Variants in NRG2 observed in about 807,000 individuals in gnomAD.
NRG2 encodes pro-neuregulin-2, membrane-bound isoform.
In NRG2, 27 loss-of-function variants were observed where a neutral mutation model predicts 73.9. The ratio of observed to expected loss-of-function variants is 0.37; its 90% confidence interval spans 0.27 to 0.50. The LOEUF (loss-of-function observed/expected upper bound fraction) is 0.50, where lower values mean the gene tolerates loss of function less well. NRG2 is among the 20% of genes least tolerant of loss of function. The pLI, the probability that NRG2 is intolerant of heterozygous loss-of-function variation, is 0.96. For missense variants in NRG2, 1,126 were observed against 1,210.1 expected (o/e 0.93, Z 1.03); for synonymous variants, 532 against 541.0 (o/e 0.98, Z 0.23).
intron 1 of NRG2, among the ~76,000 whole-genome samples, chr5:140,029,010 CAG>C (rs1760923343): frequency 2.6e-5 from 4 of 152,308 alleles, no homozygotes; most frequent in Admixed American, 2.6e-4. Flanking sequence ...CTTGACATGT[CAG>C]AGAAGAAACT....
At position 139,869,700 on chromosome 5, in the gene NRG2, G is replaced by T. The variant is rs1485201508; in HGVS notation, c.1112+2021C>A. ...GGTGGCTCTGGGTACCAAGTTCTAA[G>T]CAGTGCAGCCCAGGTGCCCTGGTGG... On this transcript the variant is annotated intron_variant, in intron 4 of 9. Transcript: ENST00000361474. The surrounding 1 kb of genome is among the most constrained non-coding windows in gnomAD (Gnocchi z 4.5). The T allele has an allele frequency of 6.6e-6, 1 of 152,356 alleles. No homozygotes were observed. Among genetic ancestry groups the T allele is most frequent in the East Asian group, 1.9e-4 (1 of 5,202 alleles). 9.4% of individuals were successfully genotyped at this position (152,356 alleles called of 1,614,324 possible). A position where few individuals can be genotyped will look rare whatever the true frequency, so the allele number is the denominator to read the frequency against.
Position 140,042,636 on chromosome 5 carries a change from C to T in NRG2, c.434G>A (p.Ser145Asn), listed in dbSNP as rs1762023574. 1.2e-6 allele frequency: 2 copies of T among 1,602,714 alleles called. No individual in the cohort carries two copies. The highest frequency in any genetic ancestry group is 4.5e-5 in the East Asian group (2 of 44,302). Residue 145 changes from serine to asparagine, a missense_variant, in exon 1 of 10, where the codon AGC becomes AAC. This residue lies in a region of NRG2 where 539 missense variants were observed against 703.2 expected (regional missense o/e 0.77). Coordinates refer to ENST00000361474, the MANE Select transcript of NRG2 (RefSeq NM_004883.3). ...VQGLVPAGGS[S>N]SNSTREPPAS... ...GGGCGGCTCTCGGGTGCTGTTGGAGCTGGAGCCGCCGGCTGGGACCAGCCC... is the reference window on the plus strand; with the variant it reads ...GGGCGGCTCTCGGGTGCTGTTGGAGTTGGAGCCGCCGGCTGGGACCAGCCC...
chr5:140,035,988 G>T (rs1201674006), intron 1 of NRG2, among the ~76,000 whole-genome samples: 1 of 152,176 alleles, frequency 6.6e-6, no homozygotes, highest in African/African-American at 2.4e-5. Context: ...AGAAACATCT[G>T]CAAGGGTAAA....
intron 1 of NRG2, among the ~76,000 whole-genome samples, chr5:140,020,103 C>G (rs1190728971): frequency 6.6e-6 from 1 of 152,160 alleles, no homozygotes; most frequent in Non-Finnish European, 1.5e-5. Context: ...TCTGAACGTA[C>G]AGCAAGAGGA....
In NRG2 at chr5:139,851,395, C is replaced by G. The variant is rs1761407182; in HGVS notation, c.1772+209G>C. Among the ~76,000 whole-genome samples, 1 of 152,240 alleles carries G rather than the reference C, an allele frequency of 6.6e-6. No homozygotes were observed. Among genetic ancestry groups the G allele is most frequent in the African/African-American group, 2.4e-5 (1 of 41,464 alleles). Reference sequence around the variant, plus strand: ...TTAGATGGTCACTGTCCACCAGGGTCCACTGGCCCAACTCTAGTCCCAGTC... The same window carrying G: ...TTAGATGGTCACTGTCCACCAGGGTGCACTGGCCCAACTCTAGTCCCAGTC... On this transcript the variant is annotated intron_variant, in intron 9 of 9. Transcript: ENST00000361474. This position sits in a 1 kb window ranked among gnomAD's most constrained non-coding sequence, Gnocchi z 4.2.
Position 140,008,411 on chromosome 5 carries a change from C to G in NRG2, c.700+33959G>C, listed in dbSNP as rs550085157. Among the ~76,000 whole-genome samples the G allele has an allele frequency of 3.3e-5, 5 of 152,326 alleles. No individual in the cohort carries two copies. In the East Asian group the frequency reaches 9.6e-4, roughly 29 times the overall value. ...TTGAGCACCTATTATGTGCCAGAAACTGAACTAGGTAATGGTCATTTGGGT... is the reference window on the plus strand; with the variant it reads ...TTGAGCACCTATTATGTGCCAGAAAGTGAACTAGGTAATGGTCATTTGGGT... On this transcript the variant is annotated intron_variant, in intron 1 of 9. Transcript: ENST00000361474. The surrounding 1 kb of genome is among the most constrained non-coding windows in gnomAD (Gnocchi z 4.2).
chr5:140,022,805 T>C (rs1365480754), intron 1 of NRG2, among the ~76,000 whole-genome samples: 4 of 152,246 alleles, frequency 2.6e-5, no homozygotes, highest in Non-Finnish European at 4.4e-5. Context: ...ATTTGTTAAG[T>C]AAATAAAATA....
chr5:140,041,318 G>A (rs1581007619), intron 1 of NRG2, among the ~76,000 whole-genome samples: 1 of 152,150 alleles, frequency 6.6e-6, no homozygotes, highest in East Asian at 1.9e-4. Context: ...GAATAAGCAC[G>A]AGACAGGCTT....
intron 2 of NRG2, among the ~76,000 whole-genome samples, chr5:139,885,844 A>G (rs1334398891): frequency 6.6e-6 from 1 of 152,014 alleles, no homozygotes; most frequent in Non-Finnish European, 1.5e-5. Flanking sequence ...GGCTCTCCTG[A>G]CTTTCGTCAC....
At chr5:139,864,085 C>G (rs1753961370) in intron 5 of NRG2, among the ~76,000 whole-genome samples, 1 of 152,188 alleles carries the variant, frequency 6.6e-6, no homozygotes, top group African/African-American at 2.4e-5. Flanking sequence ...ACACTTGGTT[C>G]CACACTCCTC....
In NRG2 at chr5:139,850,734, G is replaced by A. The variant is rs76606228; in HGVS notation, c.1772+870C>T. ...GGCTTGGAGTCAGGGAAGAAAGGGC[G>A]TTTCCTGGTTCTTACTACATCCACT... On this transcript the variant is annotated intron_variant, in intron 9 of 9. Transcript: ENST00000361474. Among the ~76,000 whole-genome samples, 358 of 152,290 alleles carry A rather than the reference G, an allele frequency of 2.4e-3. 4 individuals carry two copies. The East Asian group carries it at 0.039, about 17-fold the overall frequency.
chr5:139,849,900 G>T (rs1761296890), intron 9 of NRG2, among the ~76,000 whole-genome samples: 1 of 152,314 alleles, frequency 6.6e-6, no homozygotes, highest in South Asian at 2.1e-4. Context: ...TAAAGTCACA[G>T]CTCTGCTGAA....
chr5:139,885,996 G>A (rs1763836254), intron 2 of NRG2, among the ~76,000 whole-genome samples: 1 of 152,220 alleles, frequency 6.6e-6, no homozygotes, highest in East Asian at 1.9e-4. Flanking sequence ...GGGGTGGGGT[G>A]GTCTCGGAAG....
rs539958677 is a variant in NRG2, at chr5:140,043,201, G to A, written c.-132C>T. 5.4e-5 allele frequency: 56 copies of A among 1,039,646 alleles called. 2 individuals are homozygous for A. In the South Asian group the frequency reaches 8.2e-4, roughly 15 times the overall value. The allele number at this position is 1,039,646 out of a possible 1,614,324, so 64.4% of individuals were successfully genotyped here. On this transcript the variant is annotated 5_prime_UTR_variant, in exon 1 of 10. Coordinates refer to ENST00000361474, the MANE Select transcript of NRG2 (RefSeq NM_004883.3). This position sits in a 1 kb window ranked among gnomAD's most constrained non-coding sequence, Gnocchi z 6.7. ...CCCTCCACCGGCAGCCCGGGGAGGTGGCCCAGCTAGGGCAGGGGGCAGGCG... is the reference window on the plus strand; with the variant it reads ...CCCTCCACCGGCAGCCCGGGGAGGTAGCCCAGCTAGGGCAGGGGGCAGGCG...
At chr5:139,990,005 G>A (rs973663298) in intron 1 of NRG2, among the ~76,000 whole-genome samples, 5 of 151,276 alleles carry the variant, frequency 3.3e-5, no homozygotes, top group South Asian at 2.1e-4. Context: ...AGCCAGGATG[G>A]TCTTGATCTC....
chr5:139,962,949 C>T (rs989777118), intron 1 of NRG2, among the ~76,000 whole-genome samples: 2 of 152,150 alleles, frequency 1.3e-5, no homozygotes, highest in Non-Finnish European at 2.9e-5. Context: ...CAATATGGAG[C>T]CATATAAAAG....
intron 1 of NRG2, among the ~76,000 whole-genome samples, chr5:139,957,307 C>CTGTGTG (rs70988722): frequency 9.7e-5 from 14 of 143,888 alleles, no homozygotes; most frequent in East Asian, 4.1e-4. Flanking sequence ...TCAAGAATCT[C>CTGTGTG]TGTGTGTGTG....
intron 1 of NRG2, among the ~76,000 whole-genome samples, chr5:139,945,023 T>C (rs1311979336): frequency 3.3e-5 from 5 of 152,164 alleles, no homozygotes; most frequent in African/African-American, 9.7e-5. Context: ...GGATTTTTCA[T>C]ATATTGTGTG....
chr5:140,031,285 T>C (rs907061612), intron 1 of NRG2, among the ~76,000 whole-genome samples: 1 of 152,136 alleles, frequency 6.6e-6, no homozygotes, highest in African/African-American at 2.4e-5. Context: ...AGGTGAAGCC[T>C]CAGGTAAGAG....
Sources: allele counts gnomAD v4.1 joint callset (sites outside exome capture counted in the v4.1 genomes callset), GRCh38; gene constraint gnomAD v4.1.1; regional missense constraint gnomAD v4.1.1; non-coding constraint Gnocchi (gnomAD v3.1); transcripts MANE v1.5; gene names NCBI Gene and HGNC (gene_info 2026-07-23, HGNC 2026-07-21).